PHLPP1: variants seen among roughly 807,000 people sequenced by gnomAD.
PHLPP1 encodes the protein PH domain leucine-rich repeat-containing protein phosphatase 1.
PHLPP1 carries 42 observed loss-of-function variants against 117.2 expected under a neutral mutation model. The ratio of observed to expected loss-of-function variants is 0.36; its 90% confidence interval spans 0.28 to 0.46. The LOEUF (loss-of-function observed/expected upper bound fraction) is 0.46. Among genes scored for constraint, PHLPP1 ranks in the 20% least tolerant of loss-of-function variants. The pLI is 1.00. For synonymous variants in PHLPP1, 1,042 were observed against 970.7 expected, an observed-to-expected ratio of 1.07 and a Z score of -1.37; for missense variants, 2,084 against 2,241.9, an observed-to-expected ratio of 0.93 and a Z score of 1.42.
rs754834443 is a variant in PHLPP1, at chr18:62,716,500, C to G, written c.817C>G (p.Pro273Ala). ...PPPEAGPRLA[P>A]PEPRDSEVPP... ...CCCCGAGGCCGGCCCCCGGCTGGCGCCCCCGGAGCCGCGGGACTCGGAGGT... is the reference window on the plus strand; with the variant it reads ...CCCCGAGGCCGGCCCCCGGCTGGCGGCCCCGGAGCCGCGGGACTCGGAGGT... Residue 273 changes from proline (P) to alanine (A), a missense_variant, in exon 1 of 17, where the codon CCC becomes GCC. Pro to Ala is a conservative substitution (Grantham distance 27). Around this residue, in one of 2 missense-constraint regions of PHLPP1, gnomAD observed 719 missense variants for 636.0 expected, o/e 1.13. Coordinates refer to ENST00000262719, the MANE Select transcript of PHLPP1 (RefSeq NM_194449.4). This position sits in a 1 kb window ranked among gnomAD's most constrained non-coding sequence, Gnocchi z 5.7. 1 of 1,202,694 alleles carries G rather than the reference C, an allele frequency of 8.3e-7. No individual in the cohort carries two copies. Among genetic ancestry groups the G allele is most frequent in the African/African-American group, 1.6e-5 (1 of 62,754 alleles). The allele number at this position is 1,202,694 out of a possible 1,614,324, so 74.5% of individuals were successfully genotyped here.
At chr18:62,746,065 C>T (rs1208512611) in intron 1 of PHLPP1, among the ~76,000 whole-genome samples, 8 of 150,678 alleles carry the variant, frequency 5.3e-5, no homozygotes, top group Non-Finnish European at 1.0e-4. Context: ...TTTTTTGAGA[C>T]GGAGTTTCAC....
chr18:62,738,771 A>G (rs1326388544), intron 1 of PHLPP1, among the ~76,000 whole-genome samples: 5 of 152,256 alleles, frequency 3.3e-5, no homozygotes, highest in East Asian at 3.8e-4. Context: ...TGGTCTGTCA[A>G]TCTTACTGTA....
At chr18:62,905,970 A>T (rs991425962) in intron 8 of PHLPP1, among the ~76,000 whole-genome samples, 1 of 152,242 alleles carries the variant, frequency 6.6e-6, no homozygotes, top group Non-Finnish European at 1.5e-5. Context: ...AAACTTAAAA[A>T]TTTTTAACAA....
intron 12 of PHLPP1, among the ~76,000 whole-genome samples, chr18:62,945,529 G>A (rs140020877): frequency 1.3e-5 from 2 of 152,260 alleles, no homozygotes; most frequent in East Asian, 1.9e-4. Context: ...ATGACATGAG[G>A]CTACCCACAT....
intron 1 of PHLPP1, among the ~76,000 whole-genome samples, chr18:62,764,711 G>A (rs577810069): frequency 6.6e-6 from 1 of 152,354 alleles, no homozygotes; most frequent in East Asian, 1.9e-4. Context: ...GGGATGAAAT[G>A]GGTTCTTACT....
At chr18:62,945,028 A>C (rs1443384404) in intron 11 of PHLPP1, 81 bp from the exon 12 acceptor site, 2 of 1,066,328 alleles carry the variant, frequency 1.9e-6, no homozygotes, top group Non-Finnish European at 2.6e-6. Flanking sequence ...TGAATCCTTA[A>C]AGTCATAGCA....
chr18:62,746,018 A>G (rs1027390434), intron 1 of PHLPP1, among the ~76,000 whole-genome samples: 2 of 152,176 alleles, frequency 1.3e-5, no homozygotes, highest in Admixed American at 6.5e-5. Context: ...TATATGTTAT[A>G]TAAGTGGAGG....
intron 4 of PHLPP1, among the ~76,000 whole-genome samples, chr18:62,873,059 G>A (rs1332543239): frequency 6.6e-6 from 1 of 151,642 alleles, no homozygotes; most frequent in African/African-American, 2.4e-5. Context: ...TTTCAAGTGC[G>A]TTTGGCCCAG....
At chr18:62,963,518 T>C in intron 14 of PHLPP1, 46 bp downstream of exon 14, 1 of 1,208,796 alleles carries the variant, frequency 8.3e-7, no homozygotes, top group Non-Finnish European at 1.2e-6. Flanking sequence ...CCTGCCTGTC[T>C]CACTCCTTTA....
intron 1 of PHLPP1, among the ~76,000 whole-genome samples, chr18:62,740,941 T>TC (rs763755942): frequency 7.2e-5 from 11 of 152,058 alleles, no homozygotes; most frequent in South Asian, 2.1e-4. Context: ...GCCACTGCAC[T>TC]CCAGCCTGGG....
At chr18:62,902,197 G>A (rs1247083465) in intron 6 of PHLPP1, among the ~76,000 whole-genome samples, 1 of 152,072 alleles carries the variant, frequency 6.6e-6, no homozygotes, top group Non-Finnish European at 1.5e-5. Flanking sequence ...TAGAGATTCC[G>A]CCAGTTTTCC....
chr18:62,873,737 G>A (rs1056899966), intron 4 of PHLPP1, among the ~76,000 whole-genome samples: 4 of 152,146 alleles, frequency 2.6e-5, no homozygotes, highest in Non-Finnish European at 5.9e-5. Context: ...CATATGTAAT[G>A]AAACCAGTTT....
At chr18:62,766,082 T>A (rs1343143819) in intron 1 of PHLPP1, among the ~76,000 whole-genome samples, 506 of 45,862 alleles carry the variant, frequency 0.011, 25 homozygotes, top group Non-Finnish European at 0.014. Flanking sequence ...AAAAAATATA[T>A]ATATATATAT....
rs149482716 is a variant in PHLPP1 at position 62,899,708 on chromosome 18, T to G, written c.2445-3256T>G. 1.2e-3 allele frequency among the ~76,000 whole-genome samples: 176 copies of G among 152,264 alleles called. 6 individuals carry two copies. The East Asian group carries it at 0.029, about 25-fold the overall frequency. ...TCGTTGTCACCATCACCATAGCCCT[T>G]CTACAGGCTGGAGTGCAGCGGTACA... On this transcript the variant is annotated intron_variant, in intron 6 of 16. Coordinates refer to ENST00000262719, the MANE Select transcript of PHLPP1 (RefSeq NM_194449.4).
chr18:62,921,834 G>A (rs472947), intron 10 of PHLPP1, among the ~76,000 whole-genome samples: 71,803 of 151,940 alleles, frequency 0.47, 17,087 homozygotes, highest in Middle Eastern at 0.57. Context: ...ACATATTTAT[G>A]GAAATGGTTG....
intron 3 of PHLPP1, among the ~76,000 whole-genome samples, chr18:62,857,443 C>T (rs1411824988): frequency 6.6e-6 from 1 of 152,144 alleles, no homozygotes; most frequent in Non-Finnish European, 1.5e-5. Flanking sequence ...CCAGAGAAGT[C>T]CTCTGATTAA....
chr18:62,798,982 C>G (rs539651670), intron 1 of PHLPP1, among the ~76,000 whole-genome samples: 3 of 152,160 alleles, frequency 2.0e-5, no homozygotes, highest in Non-Finnish European at 4.4e-5. Context: ...GACTTAAGCT[C>G]CCTTCCAAAG....
intron 12 of PHLPP1, among the ~76,000 whole-genome samples, chr18:62,956,404 T>G (rs954099129): frequency 2.6e-5 from 4 of 152,166 alleles, no homozygotes; most frequent in Non-Finnish European, 5.9e-5. Flanking sequence ...CCTCATCTGT[T>G]CCCAAAGGCC....
intron 3 of PHLPP1, among the ~76,000 whole-genome samples, chr18:62,842,755 G>T (rs941108383): frequency 8.5e-5 from 13 of 152,154 alleles, no homozygotes; most frequent in Non-Finnish European, 1.9e-4. Flanking sequence ...GTTACAGTTG[G>T]TGAATTAAGG....
Sources: gnomAD v4.1 joint callset for allele counts (sites outside exome capture counted in the v4.1 genomes callset) on GRCh38, gnomAD v4.1.1 for gene constraint, gnomAD v4.1.1 regional missense constraint, Gnocchi (gnomAD v3.1) non-coding constraint, MANE v1.5 for transcripts, NCBI Gene and HGNC (gene_info 2026-07-23, HGNC 2026-07-21) for gene names.